The following EYS variants were observed in gnomAD, a reference collection of about 807,000 sequenced individuals.
EYS encodes the protein EGF-like photoreceptor maintenance factor, also known as protein eyes shut homolog.
A neutral mutation model predicts 282.1 loss-of-function variants in EYS; 250 were observed. The observed-to-expected ratio is 0.89, with a 90% CI of 0.80 to 0.98. The LOEUF is 0.98. EYS is among the 50% of genes least tolerant of loss of function. EYS has a pLI of 0.00. For synonymous variants in EYS, 1,355 were observed against 1,282.9 expected, an observed-to-expected ratio of 1.06 and a Z score of -1.20; for missense variants, 4,016 against 3,709.0, an observed-to-expected ratio of 1.08 and a Z score of -2.15.
rs760602022 is a variant in EYS, at chr6:64,591,063, C to T, written c.4804G>A (p.Ala1602Thr). Residue 1602 changes from alanine (A) to threonine (T), a missense_variant, in exon 26 of 43, where the codon GCT becomes ACT. Physicochemically the swap from Ala to Thr is moderately conservative, Grantham distance 58. Transcript: ENST00000503581. ...ILASWYALMG[A>T]QTITSGHSFS... ...GAATGCCCAGAAGTGATAGTTTGAG[C>T]TCCCATTAGTGCATACCAGCTGGCT... The T allele has an allele frequency of 1.3e-6, 2 of 1,551,290 alleles. No individual in the cohort carries two copies. The highest frequency in any genetic ancestry group is 1.7e-6 in the Non-Finnish European group (2 of 1,146,772).
At chr6:63,891,246 A>G (rs547163341) in intron 35 of EYS, among the ~76,000 whole-genome samples, 10 of 152,212 alleles carry the variant, frequency 6.6e-5, no homozygotes, top group Non-Finnish European at 1.3e-4. Flanking sequence ...TGAGGCCAGC[A>G]TCATCCTGAT....
chr6:64,377,427 C>T (rs914578321), intron 29 of EYS, among the ~76,000 whole-genome samples: 4 of 152,054 alleles, frequency 2.6e-5, no homozygotes, highest in Non-Finnish European at 4.4e-5. Context: ...GGCAGTATAG[C>T]GTAGGTTTTA....
intron 12 of EYS, among the ~76,000 whole-genome samples, chr6:65,087,532 C>T (rs997180805): frequency 6.6e-6 from 1 of 152,036 alleles, no homozygotes; most frequent in Admixed American, 6.5e-5. Flanking sequence ...TTTCACTCTT[C>T]CTCTTTCACC....
intron 29 of EYS, among the ~76,000 whole-genome samples, chr6:64,385,999 T>G (rs1772896250): frequency 6.6e-6 from 1 of 152,172 alleles, no homozygotes. Context: ...CTTCTTTTAT[T>G]TTAATCCTCA....
At chr6:64,025,993 T>G (rs1386507994) in intron 33 of EYS, among the ~76,000 whole-genome samples, 1 of 152,170 alleles carries the variant, frequency 6.6e-6, no homozygotes, top group African/African-American at 2.4e-5. Context: ...CAGGCAAGGG[T>G]GCAGGTTTTT....
At chr6:64,205,237 T>C (rs985006084) in intron 31 of EYS, among the ~76,000 whole-genome samples, 7 of 152,210 alleles carry the variant, frequency 4.6e-5, no homozygotes, top group African/African-American at 1.4e-4. Context: ...TTACAAACTT[T>C]TATTCAATTT....
chr6:64,783,351 C>A (rs956420679), intron 22 of EYS, among the ~76,000 whole-genome samples: 1 of 150,900 alleles, frequency 6.6e-6, no homozygotes, highest in African/African-American at 2.4e-5. Flanking sequence ...ATCCTATATA[C>A]ATATATACAT....
At chr6:64,622,681 A>G (rs1767483250) in intron 23 of EYS, among the ~76,000 whole-genome samples, 1 of 152,182 alleles carries the variant, frequency 6.6e-6, no homozygotes, top group South Asian at 2.1e-4. Context: ...GCAACATAAT[A>G]TGAATGTAAG....
chr6:64,687,924 G>T (rs1356767495), intron 22 of EYS, among the ~76,000 whole-genome samples: 1 of 152,098 alleles, frequency 6.6e-6, no homozygotes, highest in Non-Finnish European at 1.5e-5. Flanking sequence ...TCTGTTCAGG[G>T]ATTCAACTTC....
chr6:63,729,591 T>C (rs1757882133), intron 41 of EYS, among the ~76,000 whole-genome samples: 1 of 152,122 alleles, frequency 6.6e-6, no homozygotes, highest in Admixed American at 6.6e-5. Context: ...AGATTATCCT[T>C]TCCCCATTTT....
At chr6:65,291,461 C>A (rs182434157) in intron 12 of EYS, among the ~76,000 whole-genome samples, 1 of 151,190 alleles carries the variant, frequency 6.6e-6, no homozygotes, top group African/African-American at 2.4e-5. Flanking sequence ...ATAAATACTT[C>A]GAAGCCATAA....
chr6:64,784,705 C>CTGT (rs1773964939), intron 22 of EYS, among the ~76,000 whole-genome samples: 1 of 152,086 alleles, frequency 6.6e-6, no homozygotes, highest in Admixed American at 6.6e-5. Context: ...TAACAAATGA[C>CTGT]TGTGTAAATT....
intron 22 of EYS, among the ~76,000 whole-genome samples, chr6:64,662,894 C>T: frequency 1.1e-5 from 1 of 87,544 alleles, no homozygotes; most frequent in African/African-American, 5.1e-5. Context: ...TATACCTCCA[C>T]CCCATTTTTG....
chr6:65,451,376 T>G (rs913538908), intron 5 of EYS, among the ~76,000 whole-genome samples: 1 of 152,098 alleles, frequency 6.6e-6, no homozygotes, highest in African/African-American at 2.4e-5. Context: ...TTCAAAGAAT[T>G]TATGTATTTA....
intron 13 of EYS, among the ~76,000 whole-genome samples, chr6:64,999,523 T>C (rs1200843262): frequency 2.6e-5 from 4 of 152,102 alleles, no homozygotes; most frequent in Admixed American, 6.5e-5. Context: ...CCCCCATGGA[T>C]CTACGTGAGG....
chr6:64,028,560 G>C (rs1418739028), intron 33 of EYS, among the ~76,000 whole-genome samples: 1 of 152,136 alleles, frequency 6.6e-6, no homozygotes, highest in Non-Finnish European at 1.5e-5. Context: ...GGACCTCAAG[G>C]ATGCCTTCTT....
At chr6:63,819,828 A>G (rs2149685264) in intron 36 of EYS, among the ~76,000 whole-genome samples, 1 of 152,228 alleles carries the variant, frequency 6.6e-6, no homozygotes, top group African/African-American at 2.4e-5. Flanking sequence ...AATCCAGAAC[A>G]AGTAATCAGG....
chr6:64,160,893 T>G (rs1301467176), intron 31 of EYS, among the ~76,000 whole-genome samples: 1 of 152,202 alleles, frequency 6.6e-6, no homozygotes, highest in Non-Finnish European at 1.5e-5. Flanking sequence ...CATACTTGTG[T>G]GAATGATGCC....
intron 28 of EYS, 64 bp downstream of exon 28, chr6:64,436,110 A>T (rs186653398): frequency 4.9e-4 from 461 of 949,990 alleles, no homozygotes; most frequent in Admixed American, 1.1e-3. Flanking sequence ...TGACAAGTAC[A>T]ATATTGTTAG....
Sources: allele counts gnomAD v4.1 joint callset (sites outside exome capture counted in the v4.1 genomes callset), GRCh38; gene constraint gnomAD v4.1.1; transcripts MANE v1.5; gene names NCBI Gene and HGNC (gene_info 2026-07-23, HGNC 2026-07-21).